The following GRM8 variants were observed in gnomAD, a reference collection of about 807,000 sequenced individuals.
GRM8 encodes glutamate metabotropic receptor 8, also known as metabotropic glutamate receptor 8.
Under a neutral mutation model 87.2 loss-of-function variants are expected in GRM8, and 47 were observed. The observed-to-expected ratio is 0.54, with a 90% confidence interval of 0.43 to 0.69. The LOEUF (loss-of-function observed/expected upper bound fraction) is 0.69. GRM8 is among the 30% of genes least tolerant of loss of function. The pLI is 0.00. For synonymous variants in GRM8, 396 were observed against 404.5 expected (o/e 0.98, Z 0.25); for missense variants, 1,019 against 1,139.2 (o/e 0.89, Z 1.52).
intron 9 of GRM8, among the ~76,000 whole-genome samples, chr7:126,517,876 G>T (rs1166268364): frequency 6.6e-6 from 1 of 151,970 alleles, no homozygotes; most frequent in Non-Finnish European, 1.5e-5. Flanking sequence ...CACCTATATG[G>T]TTTCCATATT....
chr7:126,684,014 C>T (rs1169858226), intron 7 of GRM8, among the ~76,000 whole-genome samples: 1 of 152,070 alleles, frequency 6.6e-6, no homozygotes, highest in Non-Finnish European at 1.5e-5. Context: ...CACTACTGTA[C>T]TCTACATTGC....
chr7:127,056,759 G>A (rs1345979380), intron 3 of GRM8, among the ~76,000 whole-genome samples: 1 of 152,170 alleles, frequency 6.6e-6, no homozygotes, highest in Non-Finnish European at 1.5e-5. Context: ...TTGTTTTTCT[G>A]TAGATGTGAG....
intron 6 of GRM8, among the ~76,000 whole-genome samples, chr7:126,884,969 C>T (rs1800353484): frequency 6.6e-6 from 1 of 152,182 alleles, no homozygotes; most frequent in African/African-American, 2.4e-5. Context: ...CATCAGCAAA[C>T]AGCTGAAGGA....
At chr7:126,449,788 G>A (rs891176177) in intron 9 of GRM8, among the ~76,000 whole-genome samples, 1 of 151,858 alleles carries the variant, frequency 6.6e-6, no homozygotes, top group African/African-American at 2.4e-5. Flanking sequence ...AGAGATGCTA[G>A]CAATGATATT....
chr7:126,601,871 A>G (rs1797815097), intron 8 of GRM8, among the ~76,000 whole-genome samples: 2 of 140,156 alleles, frequency 1.4e-5, no homozygotes, highest in South Asian at 4.9e-4. Flanking sequence ...ATTTTCTCCC[A>G]TTTTGTGGGT....
intron 7 of GRM8, among the ~76,000 whole-genome samples, chr7:126,688,431 A>T (rs1808408092): frequency 6.6e-6 from 1 of 152,174 alleles, no homozygotes; most frequent in South Asian, 2.1e-4. Flanking sequence ...GTCGGTGATG[A>T]ATAGAGCCCT....
At chr7:126,900,568 G>T (rs979987380) in intron 6 of GRM8, among the ~76,000 whole-genome samples, 1 of 152,020 alleles carries the variant, frequency 6.6e-6, no homozygotes, top group African/African-American at 2.4e-5. Context: ...TGGGTGCAGT[G>T]GTGCAATCTC....
intron 9 of GRM8, among the ~76,000 whole-genome samples, chr7:126,463,082 A>G (rs1804070381): frequency 6.7e-6 from 1 of 149,622 alleles, no homozygotes; most frequent in Non-Finnish European, 1.5e-5. Flanking sequence ...TAAATGTCAT[A>G]AAAGTGTTTT....
intron 2 of GRM8, among the ~76,000 whole-genome samples, chr7:127,112,630 T>C (rs1826442595): frequency 6.6e-6 from 1 of 152,230 alleles, no homozygotes; most frequent in Admixed American, 6.5e-5. Flanking sequence ...CAATATTCTC[T>C]TTTAATCAAA....
chr7:127,207,664 C>A (rs968715424), intron 2 of GRM8, among the ~76,000 whole-genome samples: 1 of 152,096 alleles, frequency 6.6e-6, no homozygotes, highest in Non-Finnish European at 1.5e-5. Flanking sequence ...GTTAAGGGGA[C>A]CCCAGAGAAA....
intron 7 of GRM8, among the ~76,000 whole-genome samples, chr7:126,693,988 T>C (rs1013719278): frequency 2.6e-5 from 4 of 152,014 alleles, no homozygotes; most frequent in African/African-American, 9.6e-5. Flanking sequence ...TTTTTTAAGA[T>C]AGGTCATTAG....
At chr7:126,482,668 T>C in intron 9 of GRM8, among the ~76,000 whole-genome samples, 1 of 151,962 alleles carries the variant, frequency 6.6e-6, no homozygotes, top group Non-Finnish European at 1.5e-5. Flanking sequence ...TATTGTTTAA[T>C]GGGTATAGAA....
intron 6 of GRM8, among the ~76,000 whole-genome samples, chr7:126,788,641 T>G (rs1820939869): frequency 6.6e-6 from 1 of 151,998 alleles, no homozygotes; most frequent in Non-Finnish European, 1.5e-5. Flanking sequence ...TGAATTCTGT[T>G]TCCTCTACAA....
chr7:126,629,461 C>G (rs1585283333), intron 7 of GRM8, among the ~76,000 whole-genome samples: 1 of 151,926 alleles, frequency 6.6e-6, no homozygotes. Context: ...TTATGCATGC[C>G]TTTGTAATAA....
At chr7:126,658,017 T>C (rs1804726618) in intron 7 of GRM8, among the ~76,000 whole-genome samples, 1 of 152,242 alleles carries the variant, frequency 6.6e-6, no homozygotes, top group Non-Finnish European at 1.5e-5. Flanking sequence ...CTGCAGCTGA[T>C]GATGTGTTGG....
chr7:126,545,018 G>A (rs555054759), intron 8 of GRM8, among the ~76,000 whole-genome samples: 6 of 152,232 alleles, frequency 3.9e-5, no homozygotes, highest in South Asian at 2.1e-4. Context: ...TTTATCGTCC[G>A]ACAATCTCAG....
intron 3 of GRM8, among the ~76,000 whole-genome samples, chr7:126,910,812 A>G (rs1225017662): frequency 6.6e-6 from 1 of 152,200 alleles, no homozygotes; most frequent in Non-Finnish European, 1.5e-5. Context: ...CACAGATATG[A>G]GAGATAAAAG....
chr7:126,633,593 G>C (rs1016303279), intron 7 of GRM8, among the ~76,000 whole-genome samples: 2 of 152,070 alleles, frequency 1.3e-5, no homozygotes. Context: ...TCATGACACT[G>C]ATATTCTTAT....
chr7:127,016,296 T>C (rs571883253), intron 3 of GRM8, among the ~76,000 whole-genome samples: 101 of 152,164 alleles, frequency 6.6e-4, no homozygotes, highest in Non-Finnish European at 1.4e-3. Context: ...AATCTAAGCA[T>C]GGCCCTAATT....
Sources: gnomAD v4.1 joint callset for allele counts (sites outside exome capture counted in the v4.1 genomes callset) on GRCh38, gnomAD v4.1.1 for gene constraint, MANE v1.5 for transcripts, NCBI Gene and HGNC (gene_info 2026-07-23, HGNC 2026-07-21) for gene names.